ASCC3: variants seen among roughly 807,000 people sequenced by gnomAD.
ASCC3 encodes the protein ASC-1 complex subunit P200.
Under a neutral mutation model 256.3 loss-of-function variants are expected in ASCC3, and 158 were observed. The observed-to-expected ratio is 0.62, with a 90% CI of 0.54 to 0.70. The LOEUF (loss-of-function observed/expected upper bound fraction) is 0.70. ASCC3 is among the 30% of genes least tolerant of loss of function. The probability of loss-of-function intolerance (pLI) is 0.00; values close to 1 mark genes in which losing one functional copy is unlikely to be tolerated. For synonymous variants in ASCC3, 948 were observed against 883.4 expected (o/e 1.07, Z -1.30); for missense variants, 2,259 against 2,626.0 (o/e 0.86, Z 3.05).
intron 4 of ASCC3, among the ~76,000 whole-genome samples, chr6:100,826,893 C>T (rs1412463037): frequency 6.6e-6 from 1 of 152,122 alleles, no homozygotes; most frequent in African/African-American, 2.4e-5. Flanking sequence ...TAGCTGCCAG[C>T]CACATGAGGC....
At chr6:100,675,049 A>C (rs1776941349) in intron 14 of ASCC3, among the ~76,000 whole-genome samples, 1 of 152,116 alleles carries the variant, frequency 6.6e-6, no homozygotes, top group Non-Finnish European at 1.5e-5. Flanking sequence ...GCTTAGATCC[A>C]AAGTTTTTAT....
At chr6:100,739,221 C>G (rs1456983150) in intron 10 of ASCC3, among the ~76,000 whole-genome samples, 6 of 152,128 alleles carry the variant, frequency 3.9e-5, no homozygotes, top group Non-Finnish European at 2.9e-5. Context: ...GTCTTTAGTT[C>G]AGTTTATACA....
At chr6:100,875,528 C>A (rs1378711170) in intron 1 of ASCC3, among the ~76,000 whole-genome samples, 3 of 152,102 alleles carry the variant, frequency 2.0e-5, no homozygotes, top group Non-Finnish European at 4.4e-5. Context: ...GGACCCTCTT[C>A]CTAAGAAAAC....
chr6:100,648,930 C>A (rs1775521988), intron 20 of ASCC3, among the ~76,000 whole-genome samples: 1 of 151,580 alleles, frequency 6.6e-6, no homozygotes, highest in Admixed American at 6.6e-5. Flanking sequence ...TAAGCATAGG[C>A]CTTTAAATAA....
intron 30 of ASCC3, among the ~76,000 whole-genome samples, chr6:100,612,596 C>T (rs1366267071): frequency 1.3e-5 from 2 of 151,920 alleles, no homozygotes; most frequent in Admixed American, 1.3e-4. Context: ...TTAAATCTAT[C>T]ATATCTGGTA....
intron 8 of ASCC3, among the ~76,000 whole-genome samples, chr6:100,775,475 T>A (rs1782144049): frequency 6.6e-6 from 1 of 152,104 alleles, no homozygotes. Context: ...AGACGGGACC[T>A]AAACTCAGTT....
intron 6 of ASCC3, among the ~76,000 whole-genome samples, chr6:100,799,947 A>G (rs1390485764): frequency 1.3e-5 from 2 of 152,040 alleles, no homozygotes; most frequent in African/African-American, 4.8e-5. Flanking sequence ...CTTCTAAATA[A>G]CAACAATTTT....
intron 4 of ASCC3, among the ~76,000 whole-genome samples, chr6:100,811,398 A>C (rs1240191222): frequency 6.6e-6 from 1 of 152,170 alleles, no homozygotes; most frequent in East Asian, 1.9e-4. Context: ...CCTCAGTGAA[A>C]TTCAAGTTCA....
At chr6:100,791,935 CA>C (rs35558576) in intron 8 of ASCC3, among the ~76,000 whole-genome samples, 2 of 151,418 alleles carry the variant, frequency 1.3e-5, no homozygotes, top group Non-Finnish European at 3.0e-5. Flanking sequence ...GAGGAAAAGC[CA>C]AAAAAATGAG....
chr6:100,820,106 TC>T (rs1287191570), intron 4 of ASCC3, among the ~76,000 whole-genome samples: 6 of 152,242 alleles, frequency 3.9e-5, no homozygotes, highest in Non-Finnish European at 8.8e-5. Flanking sequence ...CCAATTCCTA[TC>T]AAAATCCCAG....
intron 36 of ASCC3, among the ~76,000 whole-genome samples, chr6:100,541,072 C>T (rs768783025): frequency 1.3e-5 from 2 of 152,044 alleles, no homozygotes; most frequent in Non-Finnish European, 2.9e-5. Flanking sequence ...ATTGAACCTA[C>T]AAGCGAAACT....
chr6:100,724,169 A>AC (rs1562251774), intron 11 of ASCC3, among the ~76,000 whole-genome samples: 1 of 150,532 alleles, frequency 6.6e-6, no homozygotes, highest in South Asian at 2.1e-4. Context: ...ACAAAAAAAA[A>AC]CACACAAGTG....
chr6:100,848,643 G>A lies in ASCC3; in HGVS notation c.306C>T (p.His102=). 1 of 1,614,036 alleles carries A rather than the reference G, an allele frequency of 6.2e-7. No homozygotes were observed. Among genetic ancestry groups the A allele is most frequent in the South Asian group, 1.1e-5 (1 of 91,082 alleles). Reference sequence around the variant, plus strand: ...CCTTGTGACCAACAGAGTCCTTCAAGTGAAATGTCATGAAGAGAAATGCAG... The same window carrying A: ...CCTTGTGACCAACAGAGTCCTTCAAATGAAATGTCATGAAGAGAAATGCAG... ...SGAAFLFMTF[H]LKDSVGHKET... The change falls in exon 4 of 42, where the codon CAC becomes CAT. Residue 102 remains histidine, a synonymous_variant. Transcript: ENST00000369162.
intron 36 of ASCC3, among the ~76,000 whole-genome samples, chr6:100,560,791 A>ACACG (rs980100761): frequency 1.3e-5 from 2 of 149,728 alleles, no homozygotes; most frequent in African/African-American, 4.9e-5. Context: ...ACACACACAC[A>ACACG]CGCACACATA....
chr6:100,867,287 TA>T (rs1317480286), intron 2 of ASCC3, among the ~76,000 whole-genome samples: 1 of 152,190 alleles, frequency 6.6e-6, no homozygotes, highest in Non-Finnish European at 1.5e-5. Context: ...CCATAATTAC[TA>T]AAGCAGGGGT....
At chr6:100,518,247 T>A in intron 37 of ASCC3, 105 bp from the exon 38 acceptor site, 4 of 1,241,476 alleles carry the variant, frequency 3.2e-6, no homozygotes, top group Non-Finnish European at 3.5e-6. Context: ...AACCAAGCAT[T>A]GTATCTCTAA....
chr6:100,511,358 C>T lies in ASCC3; in HGVS notation c.6286-1251G>A, dbSNP rs991032355. ...GCTTAAACCCGGGAGGCGGAGGTTG[C>T]AGGGAGCTGATGTTGCACCCTTGTA... On this transcript the variant is annotated intron_variant, in intron 40 of 41. Coordinates refer to ENST00000369162, the MANE Select transcript of ASCC3 (RefSeq NM_006828.4). Among the ~76,000 whole-genome samples the T allele has an allele frequency of 5.3e-5, 8 of 152,258 alleles. No homozygotes were observed. The South Asian group carries it at 1.5e-3, about 28-fold the overall frequency.
rs545988386 is a variant in ASCC3, at chr6:100,787,474, T to C, written c.1395+11239A>G. On this transcript the variant is annotated intron_variant, in intron 8 of 41. Transcript: ENST00000369162. ...ATTTAAATCCTCATCAAATAATCTATAGATTCAATGGAATCCCAGTTAAAA... is the reference window on the plus strand; with the variant it reads ...ATTTAAATCCTCATCAAATAATCTACAGATTCAATGGAATCCCAGTTAAAA... 5.3e-5 allele frequency among the ~76,000 whole-genome samples: 8 copies of C among 152,244 alleles called. No homozygotes were observed. The East Asian group carries it at 9.6e-4, about 18-fold the overall frequency.
chr6:100,702,696 C>CA (rs1184112033), intron 13 of ASCC3, among the ~76,000 whole-genome samples: 1 of 152,046 alleles, frequency 6.6e-6, no homozygotes, highest in East Asian at 1.9e-4. Flanking sequence ...AGTTTTGTGT[C>CA]AAAAAGAGTA....
Sources: gnomAD v4.1 joint callset for allele counts (sites outside exome capture counted in the v4.1 genomes callset) on GRCh38, gnomAD v4.1.1 for gene constraint, MANE v1.5 for transcripts, NCBI Gene and HGNC (gene_info 2026-07-23, HGNC 2026-07-21) for gene names.